Variants in DNAH11 observed in about 807,000 individuals in gnomAD.
DNAH11 encodes the protein axonemal beta dynein heavy chain 11.
DNAH11 carries 442 observed loss-of-function variants against 526.0 expected under a neutral mutation model. That is an observed-to-expected ratio of 0.84 (90% CI 0.78 to 0.91). The LOEUF is 0.91. Ranked by LOEUF, DNAH11 falls within the 40% of genes least tolerant of loss-of-function variation. The probability of loss-of-function intolerance (pLI) is 0.00; values close to 1 mark genes in which losing one functional copy is unlikely to be tolerated. For missense variants in DNAH11, 6,989 were observed against 5,448.7 expected (o/e 1.28, Z -8.90); for synonymous variants, 2,461 against 1,935.9 (o/e 1.27, Z -7.12).
rs1415949892 is a variant in DNAH11 at position 21,543,074 on chromosome 7, C to G, written c.-172C>G. The G allele has an allele frequency of 7.3e-7, 1 of 1,365,120 alleles. No individual in the cohort carries two copies. Among genetic ancestry groups the G allele is most frequent in the East Asian group, 2.7e-5 (1 of 37,460 alleles). The allele number at this position is 1,365,120 out of a possible 1,614,324, so 84.6% of individuals were successfully genotyped here. A position where few individuals can be genotyped will look rare whatever the true frequency, so the allele number is the denominator to read the frequency against. On this transcript the variant is annotated 5_prime_UTR_variant, in exon 1 of 82. Transcript: ENST00000409508. ...TTCGCTTCGGCCTGCGAGGCTACAG[C>G]TGTGCGCAGTGGCGCGGCTGCTAAG...
intron 25 of DNAH11, among the ~76,000 whole-genome samples, chr7:21,629,428 G>A (rs181337315): frequency 6.6e-6 from 1 of 152,090 alleles, no homozygotes; most frequent in Non-Finnish European, 1.5e-5. Context: ...ACTAGGTCTA[G>A]TGTGTAGTTT....
At chr7:21,740,374 C>T (rs1198830249) in intron 48 of DNAH11, among the ~76,000 whole-genome samples, 1 of 152,134 alleles carries the variant, frequency 6.6e-6, no homozygotes, top group Non-Finnish European at 1.5e-5. Context: ...CCACTGAGCT[C>T]CCCTTTTTCT....
chr7:21,873,448 C>T lies in DNAH11; in HGVS notation c.12142C>T (p.Pro4048Ser), dbSNP rs1783575829. ...LENSIKITNEPPTGMLANLHA... is the reference protein window; with the variant it reads ...LENSIKITNESPTGMLANLHA... The stretch of plus-strand genomic sequence containing the variant: ...AAATTCCATTAAGATCACTAATGAA[C>T]CCCCAACAGGGATGCTGGCCAATTT... The change falls in exon 74 of 82, where the codon CCC becomes TCC. Residue 4048 changes from proline (P) to serine (S), a missense_variant. By Grantham distance (74) the Pro-to-Ser change is moderately conservative. Transcript: ENST00000409508. 5 of 1,613,954 alleles carry T rather than the reference C, an allele frequency of 3.1e-6. No individual in the cohort carries two copies. The highest frequency in any genetic ancestry group is 1.7e-5 in the Admixed American group (1 of 60,018).
At chr7:21,824,628 G>A (rs532766969) in intron 65 of DNAH11, among the ~76,000 whole-genome samples, 10 of 152,128 alleles carry the variant, frequency 6.6e-5, no homozygotes, top group African/African-American at 2.2e-4. Flanking sequence ...ATTAGTCATC[G>A]GGAACATGCA....
intron 2 of DNAH11, among the ~76,000 whole-genome samples, chr7:21,557,756 T>C (rs916644733): frequency 6.6e-6 from 1 of 152,170 alleles, no homozygotes; most frequent in African/African-American, 2.4e-5. Context: ...AATACCATTC[T>C]CTCCCAGAGG....
In DNAH11 at chr7:21,744,629, T is replaced by C. The variant is rs750704553; in HGVS notation, c.8316+30T>C. Reference sequence around the variant, plus strand: ...GCGTATGAATGTCAGAGGTCACTACTTACTCCAACACCAACTGGGTATTGG... The same window carrying C: ...GCGTATGAATGTCAGAGGTCACTACCTACTCCAACACCAACTGGGTATTGG... On this transcript the variant is annotated intron_variant, in intron 50 of 81. Coordinates refer to ENST00000409508, the MANE Select transcript of DNAH11 (RefSeq NM_001277115.2). 5 of 1,608,930 alleles carry C rather than the reference T, an allele frequency of 3.1e-6. No homozygotes were observed. The African/African-American group carries it at 4.0e-5, about 13-fold the overall frequency.
intron 9 of DNAH11, among the ~76,000 whole-genome samples, chr7:21,586,282 T>C (rs941180200): frequency 5.9e-5 from 9 of 152,238 alleles, no homozygotes; most frequent in African/African-American, 1.9e-4. Context: ...AATACACTTA[T>C]CATTTCTTGT....
intron 55 of DNAH11, among the ~76,000 whole-genome samples, chr7:21,767,692 T>C (rs1222756041): frequency 6.6e-6 from 1 of 152,236 alleles, no homozygotes; most frequent in Non-Finnish European, 1.5e-5. Context: ...TCCTAATTTG[T>C]TGCGCAGGAG....
intron 8 of DNAH11, among the ~76,000 whole-genome samples, chr7:21,576,158 C>G (rs988390238): frequency 6.6e-6 from 1 of 152,086 alleles, no homozygotes; most frequent in African/African-American, 2.4e-5. Context: ...CTCTGAGGCT[C>G]CACCATGGTA....
At chr7:21,777,716 G>A (rs1028263709) in intron 56 of DNAH11, among the ~76,000 whole-genome samples, 1 of 152,172 alleles carries the variant, frequency 6.6e-6, no homozygotes, top group Non-Finnish European at 1.5e-5. Flanking sequence ...AAAAAGAACT[G>A]AGAAGCATGT....
chr7:21,731,054 G>A (rs1223886324), intron 45 of DNAH11, among the ~76,000 whole-genome samples: 1 of 152,046 alleles, frequency 6.6e-6, no homozygotes, highest in Non-Finnish European at 1.5e-5. Flanking sequence ...TGAGGCAGGA[G>A]AATTGCTTGA....
At chr7:21,649,638 G>C (rs902668033) in intron 28 of DNAH11, among the ~76,000 whole-genome samples, 22 of 151,706 alleles carry the variant, frequency 1.5e-4, no homozygotes. Flanking sequence ...GGAGTCTTAC[G>C]GGTGCTGGTA....
intron 28 of DNAH11, 64 bp from the exon 29 acceptor site, chr7:21,655,768 C>G: frequency 6.7e-7 from 1 of 1,501,686 alleles, no homozygotes; most frequent in Admixed American, 1.9e-5. Context: ...GGCATCATCT[C>G]TAGATTATCA....
rs755229531 is a variant in DNAH11 at position 21,744,511 on chromosome 7, C to T, written c.8228C>T (p.Ala2743Val). ...DLIHLWLHES[A>V]RVYGDKLIDK... ...ATACATCTGTGGCTTCATGAATCTG[C>T]CCGTGTTTATGGAGACAAACTGATA... The change falls in exon 50 of 82, where the codon GCC (alanine) becomes GTC (valine). Residue 2743 changes from alanine to valine, a missense_variant. Transcript: ENST00000409508. 3.1e-6 allele frequency: 5 copies of T among 1,613,714 alleles called. No individual in the cohort carries two copies. The Admixed American group carries it at 6.7e-5, about 22-fold the overall frequency.
chr7:21,684,000 G>C, intron 32 of DNAH11, 56 bp downstream of exon 32: 1 of 1,566,478 alleles, frequency 6.4e-7, no homozygotes, highest in Non-Finnish European at 8.7e-7. Flanking sequence ...AAGTCCCCTA[G>C]TGTGAGAATG....
intron 62 of DNAH11, among the ~76,000 whole-genome samples, chr7:21,803,348 G>A (rs996823171): frequency 6.6e-6 from 1 of 152,136 alleles, no homozygotes; most frequent in African/African-American, 2.4e-5. Context: ...TAGGCTCTTT[G>A]TTGCCCTCTG....
intron 38 of DNAH11, among the ~76,000 whole-genome samples, chr7:21,704,969 G>A (rs538949311): frequency 2.6e-5 from 4 of 152,148 alleles, no homozygotes; most frequent in Non-Finnish European, 4.4e-5. Context: ...AATCATTAGT[G>A]CCTGCTTTTA....
intron 12 of DNAH11, among the ~76,000 whole-genome samples, chr7:21,590,375 A>G (rs1348692977): frequency 1.3e-5 from 2 of 152,188 alleles, no homozygotes; most frequent in African/African-American, 2.4e-5. Context: ...AAGAATATCT[A>G]TTTGTAATTT....
intron 74 of DNAH11, among the ~76,000 whole-genome samples, chr7:21,876,731 G>C (rs1487554895): frequency 6.6e-6 from 1 of 152,208 alleles, no homozygotes; most frequent in Non-Finnish European, 1.5e-5. Context: ...ATTCCTGACA[G>C]GAGGATGGAA....
Sources: gnomAD v4.1 joint callset for allele counts (sites outside exome capture counted in the v4.1 genomes callset) on GRCh38, gnomAD v4.1.1 for gene constraint, MANE v1.5 for transcripts, NCBI Gene and HGNC (gene_info 2026-07-23, HGNC 2026-07-21) for gene names.